Variants in TFRC observed in about 807,000 individuals in gnomAD.
TFRC encodes the protein transferrin receptor protein 1.
Under a neutral mutation model 85.8 loss-of-function variants are expected in TFRC, and 35 were observed. That is an observed-to-expected ratio of 0.41 (90% CI 0.31 to 0.54). TFRC has a LOEUF of 0.54. Ranked by LOEUF, TFRC falls within the 20% of genes least tolerant of loss-of-function variation. The pLI is 0.31. For synonymous variants in TFRC, 362 were observed against 328.6 expected, an observed-to-expected ratio of 1.10 and a Z score of -1.10; for missense variants, 828 against 921.5, an observed-to-expected ratio of 0.90 and a Z score of 1.31.
chr3:196,054,116 T>A (rs1308372591), intron 17 of TFRC, among the ~76,000 whole-genome samples: 2 of 152,090 alleles, frequency 1.3e-5, no homozygotes, highest in Non-Finnish European at 2.9e-5. Flanking sequence ...CCGGCACCTG[T>A]AGTCCCAGCT....
intron 9 of TFRC, 27 bp downstream of exon 9, chr3:196,067,491 C>CA: frequency 6.2e-7 from 1 of 1,609,588 alleles, no homozygotes; most frequent in Non-Finnish European, 8.5e-7. Context: ...CCTCACTATG[C>CA]AAGACCGCTT....
Position 196,064,502 on chromosome 3 carries a change from G to C in TFRC, c.1199-74C>G. 6 of 1,425,410 alleles carry C rather than the reference G, an allele frequency of 4.2e-6. No individual in the cohort carries two copies. In the South Asian group the frequency reaches 7.3e-5, roughly 17 times the overall value. 88.3% of individuals were successfully genotyped at this position (1,425,410 alleles called of 1,614,324 possible). On this transcript the variant is annotated intron_variant, in intron 10 of 18. Transcript: ENST00000360110. The stretch of plus-strand genomic sequence containing the variant: ...AAACTTTTCTAGAATTAGCACATCA[G>C]TAGAAAGGTAAAAGCACAGTATATG...
intron 6 of TFRC, among the ~76,000 whole-genome samples, chr3:196,070,807 T>TAATAATAATAATAATA (rs978226944): frequency 6.9e-6 from 1 of 144,562 alleles, no homozygotes; most frequent in Non-Finnish European, 1.5e-5. Context: ...ATAATAATAA[T>TAATAATAATAATAATA]AAAATAAAAA....
At chr3:196,081,607 C>G (rs11709395) in intron 1 of TFRC, among the ~76,000 whole-genome samples, 12,390 of 152,300 alleles carry the variant, frequency 0.081, 603 homozygotes, top group South Asian at 0.13. Flanking sequence ...GCCCGCGCTC[C>G]CGGACCCGCA....
chr3:196,073,802 G>T, intron 4 of TFRC, 128 bp downstream of exon 4: 2 of 1,001,592 alleles, frequency 2.0e-6, no homozygotes, highest in Non-Finnish European at 2.8e-6. Context: ...CCCCTCTTTA[G>T]CTAAACATGA....
In TFRC at chr3:196,065,579, G is replaced by A. The variant is rs753583737; in HGVS notation, c.1062C>T (p.Pro354=). 47 of 1,607,164 alleles carry A rather than the reference G, an allele frequency of 2.9e-5. 2 individuals carry two copies. In the South Asian group the frequency reaches 4.6e-4, roughly 16 times the overall value. ...KLFGNMEGDC[P]SDWKTDSTCR... The stretch of plus-strand genomic sequence containing the variant: ...ATGTAGAGTCTGTTTTCCAGTCAGA[G>A]GGACAGTCTCCTTCCATATTCCTAG... Residue 354 remains proline (P), a synonymous_variant, in exon 10 of 19, where the codon CCC becomes CCT. Coordinates refer to ENST00000360110, the MANE Select transcript of TFRC (RefSeq NM_001128148.3).
At chr3:196,065,886 A>C (rs1024054236) in intron 9 of TFRC, among the ~76,000 whole-genome samples, 12 of 151,962 alleles carry the variant, frequency 7.9e-5, no homozygotes, top group African/African-American at 2.7e-4. Flanking sequence ...GCTACTAAGG[A>C]GGATGAGGAG....
rs1278427327 is a variant in TFRC, at chr3:196,075,354, C to T, written c.43G>A (p.Gly15Arg). 1 of 1,614,094 alleles carries T rather than the reference C, an allele frequency of 6.2e-7. No homozygotes were observed. The highest frequency in any genetic ancestry group is 1.1e-5 in the South Asian group (1 of 91,076). Reference sequence around the variant, plus strand: ...AACCGGGTATATGACAATGGTTCTCCACCAAACTGTGTTGCGGAAAAAGGC... The same window carrying T: ...AACCGGGTATATGACAATGGTTCTCTACCAAACTGTGTTGCGGAAAAAGGC... ...ARSAFSNLFG[G>R]EPLSYTRFSL... Residue 15 changes from glycine to arginine, a missense_variant, in exon 3 of 19, where the codon GGA (glycine) becomes AGA (arginine). Transcript: ENST00000360110.
chr3:196,071,544 A>C, intron 5 of TFRC, 46 bp from the exon 6 acceptor site: 1 of 1,550,108 alleles, frequency 6.5e-7, no homozygotes, highest in African/African-American at 1.4e-5. Flanking sequence ...CATCCTTCCA[A>C]AAAACACAAT....
rs1317596998 is a variant in TFRC, at chr3:196,065,445, G to C, written c.1196C>G (p.Pro399Arg). 2.1e-6 allele frequency: 2 copies of C among 961,024 alleles called. No individual in the cohort carries two copies. The highest frequency in any genetic ancestry group is 3.0e-6 in the Non-Finnish European group (2 of 673,936). 59.5% of individuals were successfully genotyped at this position (961,024 alleles called of 1,614,324 possible). A position where few individuals can be genotyped will look rare whatever the true frequency, so the allele number is the denominator to read the frequency against. Residue 399 changes from proline (P) to arginine (R), a missense_variant and splice_region_variant, in exon 10 of 19, where the codon CCA (proline) becomes CGA (arginine). Transcript: ENST00000360110. ...GGGGGGGGGGGGGCGGTCTTTACCT[G>C]GTTCTACAAAGCCTTTAATAACTCC... is the stretch of plus-strand genomic sequence containing the variant. ...IFGVIKGFVE[P>R]DHYVVVGAQR...
intron 2 of TFRC, among the ~76,000 whole-genome samples, chr3:196,075,670 TC>T (rs532888371): frequency 6.6e-6 from 1 of 151,732 alleles, no homozygotes; most frequent in African/African-American, 2.4e-5. Context: ...CTCTACTGAT[TC>T]CCCCACCTCA....
chr3:196,073,316 G>C (rs1030042808), intron 4 of TFRC, among the ~76,000 whole-genome samples: 1 of 151,658 alleles, frequency 6.6e-6, no homozygotes, highest in African/African-American at 2.4e-5. Flanking sequence ...AAAATTAGCT[G>C]GGTGTGGTGC....
chr3:196,061,830 C>CA, intron 13 of TFRC, among the ~76,000 whole-genome samples: 1 of 152,308 alleles, frequency 6.6e-6, no homozygotes, highest in East Asian at 1.9e-4. Context: ...ATTTCTGACT[C>CA]AAAGGTCTGG....
chr3:196,067,881 A>G (rs765629539), intron 8 of TFRC, 151 bp downstream of exon 8: 9 of 749,048 alleles, frequency 1.2e-5, no homozygotes, highest in Non-Finnish European at 1.9e-5. Flanking sequence ...ATAAAGCCTC[A>G]AAGTCAATGT....
intron 13 of TFRC, among the ~76,000 whole-genome samples, chr3:196,061,520 C>T (rs918713487): frequency 5.3e-5 from 8 of 152,054 alleles, no homozygotes; most frequent in African/African-American, 1.9e-4. Context: ...GATGGAGTCT[C>T]GCTCTGTCGC....
At chr3:196,052,462 CAG>C (rs1716412012) in intron 18 of TFRC, among the ~76,000 whole-genome samples, 1 of 151,866 alleles carries the variant, frequency 6.6e-6, no homozygotes. Context: ...GTTGTTGAGA[CAG>C]AGTTTCGCTC....
At chr3:196,073,330 G>A (rs548001579) in intron 4 of TFRC, among the ~76,000 whole-genome samples, 5 of 150,788 alleles carry the variant, frequency 3.3e-5, no homozygotes, top group Admixed American at 1.3e-4. Context: ...GTGGTGCTGC[G>A]TGCTTATAGT....
At chr3:196,062,729 G>T (rs1717388836) in intron 12 of TFRC, 84 bp from the exon 13 acceptor site, 1 of 1,539,574 alleles carries the variant, frequency 6.5e-7, no homozygotes, top group East Asian at 2.2e-5. Context: ...TTTCAATTCT[G>T]GACTCTACTG....
chr3:196,071,575 T>C (rs1718212188), intron 5 of TFRC, 77 bp from the exon 6 acceptor site: 1 of 1,392,742 alleles, frequency 7.2e-7, no homozygotes, highest in South Asian at 1.2e-5. Context: ...TAGTATGTCT[T>C]GCATTATTTG....
Sources: allele counts gnomAD v4.1 joint callset (sites outside exome capture counted in the v4.1 genomes callset), GRCh38; gene constraint gnomAD v4.1.1; transcripts MANE v1.5; gene names NCBI Gene and HGNC (gene_info 2026-07-23, HGNC 2026-07-21).